Variants in PCSK2 observed in about 807,000 individuals in gnomAD.
PCSK2 encodes neuroendocrine convertase 2.
In PCSK2, 14 loss-of-function variants were observed where a neutral mutation model predicts 69.7. The observed-to-expected ratio is 0.20, with a 90% CI of 0.13 to 0.31. PCSK2 has a LOEUF of 0.31. PCSK2 is among the 10% of genes least tolerant of loss of function. The pLI is 1.00. For synonymous variants in PCSK2, 307 were observed against 320.7 expected (o/e 0.96, Z 0.46); for missense variants, 544 against 842.5 (o/e 0.65, Z 4.39).
At chr20:17,426,706 A>G (rs1213546053) in intron 6 of PCSK2, among the ~76,000 whole-genome samples, 1 of 152,242 alleles carries the variant, frequency 6.6e-6, no homozygotes, top group Admixed American at 6.5e-5. Flanking sequence ...ATCCAACGTT[A>G]CAGGTGAAGT....
intron 1 of PCSK2, among the ~76,000 whole-genome samples, chr20:17,233,080 C>T (rs1026964509): frequency 1.7e-4 from 26 of 152,296 alleles, no homozygotes; most frequent in African/African-American, 6.3e-4. Flanking sequence ...TGATACCAGT[C>T]ATAGCCATCA....
chr20:17,266,929 T>C (rs1387502368), intron 2 of PCSK2, among the ~76,000 whole-genome samples: 1 of 152,134 alleles, frequency 6.6e-6, no homozygotes, highest in African/African-American at 2.4e-5. Flanking sequence ...AGGAAATGTG[T>C]GAGGGCCCTA....
rs2033448901 is a variant in PCSK2, at chr20:17,483,655, C to A, written c.*1585C>A. 1 of 152,384 alleles carries A rather than the reference C, an allele frequency of 6.6e-6. No individual in the cohort carries two copies. Among genetic ancestry groups the A allele is most frequent in the South Asian group, 2.1e-4 (1 of 4,832 alleles). 9.4% of individuals were successfully genotyped at this position (152,384 alleles called of 1,614,324 possible). ...GAAATCTGAAAACCCCATTTGCTTT[C>A]TTTTCTCCCATATTGGCATGGATTT... On this transcript the variant is annotated 3_prime_UTR_variant, in exon 12 of 12. Coordinates refer to ENST00000262545, the MANE Select transcript of PCSK2 (RefSeq NM_002594.5).
chr20:17,391,248 G>C (rs948566663), intron 5 of PCSK2, among the ~76,000 whole-genome samples: 1 of 152,104 alleles, frequency 6.6e-6, no homozygotes, highest in Non-Finnish European at 1.5e-5. Flanking sequence ...CTCAAAGACA[G>C]GAAAAATAAA....
At chr20:17,468,314 G>A (rs905068060) in intron 11 of PCSK2, among the ~76,000 whole-genome samples, 5 of 146,826 alleles carry the variant, frequency 3.4e-5, no homozygotes, top group African/African-American at 1.3e-4. Context: ...CCGTAGACAG[G>A]CAGCCTACCA....
chr20:17,243,958 T>G (rs150151971), intron 1 of PCSK2, among the ~76,000 whole-genome samples: 42 of 152,250 alleles, frequency 2.8e-4, no homozygotes, highest in Admixed American at 6.5e-4. Context: ...CCAGATTTTT[T>G]ATTTTTTTTT....
chr20:17,453,851 A>C lies in PCSK2; in HGVS notation c.995A>C (p.Asn332Thr). The C allele has an allele frequency of 6.2e-7, 1 of 1,614,224 alleles. No homozygotes were observed. The highest frequency in any genetic ancestry group is 8.5e-7 in the Non-Finnish European group (1 of 1,180,048). ...TCCAGCATGTGGACCATCTCCATCA[A>C]CTCAGCCATCAACGACGGCAGGACT... ...YASSMWTISINSAINDGRTAL... is the reference protein window; with the variant it reads ...YASSMWTISITSAINDGRTAL... Residue 332 changes from asparagine to threonine, a missense_variant, in exon 9 of 12, where the codon AAC (asparagine) becomes ACC (threonine). Asn to Thr is a moderately conservative substitution (Grantham distance 65, BLOSUM62 0). Coordinates refer to ENST00000262545, the MANE Select transcript of PCSK2 (RefSeq NM_002594.5). The surrounding 1 kb of genome is among the most constrained non-coding windows in gnomAD (Gnocchi z 4.0).
intron 2 of PCSK2, among the ~76,000 whole-genome samples, chr20:17,317,796 A>G (rs1989735771): frequency 6.6e-6 from 1 of 152,184 alleles, no homozygotes; most frequent in South Asian, 2.1e-4. Context: ...TTCAAAAGGG[A>G]ACACATAAAC....
At chr20:17,421,679 C>T (rs7265632) in intron 6 of PCSK2, among the ~76,000 whole-genome samples, 18,862 of 151,962 alleles carry the variant, frequency 0.12, 1,263 homozygotes, top group African/African-American at 0.14. Context: ...GCTGACTAAT[C>T]TGTCTTATCT....
intron 5 of PCSK2, among the ~76,000 whole-genome samples, chr20:17,406,390 C>A (rs964556921): frequency 2.0e-5 from 3 of 152,144 alleles, no homozygotes; most frequent in African/African-American, 7.2e-5. Flanking sequence ...TAGACTGTTA[C>A]CCAAGGAATT....
chr20:17,412,650 G>T (rs1322159433), intron 6 of PCSK2, among the ~76,000 whole-genome samples: 1 of 152,104 alleles, frequency 6.6e-6, no homozygotes, highest in Non-Finnish European at 1.5e-5. Flanking sequence ...AGCAAGGCAG[G>T]CCAACATTCA....
At chr20:17,368,517 T>A (rs1453237937) in intron 4 of PCSK2, among the ~76,000 whole-genome samples, 1 of 152,222 alleles carries the variant, frequency 6.6e-6, no homozygotes, top group Non-Finnish European at 1.5e-5. Context: ...GCAAAGCTTA[T>A]GTGGTTTTGC....
chr20:17,481,679 C>T lies in PCSK2; in HGVS notation c.1526C>T (p.Ala509Val). Reference protein sequence around the residue: ...NFVRYLEHVQAVITVNATRRG... With the variant: ...NFVRYLEHVQVVITVNATRRG... Reference sequence around the variant, plus strand: ...GTCCGCTACCTGGAGCATGTCCAGGCTGTCATCACGGTCAACGCAACCAGA... The same window carrying T: ...GTCCGCTACCTGGAGCATGTCCAGGTTGTCATCACGGTCAACGCAACCAGA... Residue 509 changes from alanine to valine, a missense_variant, in exon 12 of 12, where the codon GCT (alanine) becomes GTT (valine). Physicochemically the swap from Ala to Val is moderately conservative, Grantham distance 64. This residue lies in a region of PCSK2 where 200 missense variants were observed against 287.8 expected (regional missense o/e 0.69). Transcript: ENST00000262545. 1 of 1,614,160 alleles carries T rather than the reference C, an allele frequency of 6.2e-7. No individual in the cohort carries two copies. The highest frequency in any genetic ancestry group is 8.5e-7 in the Non-Finnish European group (1 of 1,180,032).
At chr20:17,361,115 C>T (rs146730521) in intron 4 of PCSK2, among the ~76,000 whole-genome samples, 3 of 152,318 alleles carry the variant, frequency 2.0e-5, no homozygotes, top group African/African-American at 7.2e-5. Flanking sequence ...TTGATATCCA[C>T]ATGGGGCTAG....
intron 1 of PCSK2, among the ~76,000 whole-genome samples, chr20:17,234,810 T>C (rs1334966311): frequency 6.6e-6 from 1 of 152,184 alleles, no homozygotes; most frequent in Admixed American, 6.5e-5. Flanking sequence ...AACTAACTGC[T>C]CAAAGAGGTC....
intron 2 of PCSK2, among the ~76,000 whole-genome samples, chr20:17,307,855 A>G (rs1015220426): frequency 6.6e-6 from 1 of 152,216 alleles, no homozygotes; most frequent in African/African-American, 2.4e-5. Context: ...GACTGGGTAA[A>G]TTATAAAGAA....
intron 4 of PCSK2, among the ~76,000 whole-genome samples, chr20:17,362,818 A>G (rs968478107): frequency 1.3e-5 from 2 of 152,258 alleles, no homozygotes; most frequent in Non-Finnish European, 2.9e-5. Context: ...ATTCCATATG[A>G]TAACTGAAGA....
intron 8 of PCSK2, among the ~76,000 whole-genome samples, chr20:17,439,476 C>T (rs2032553755): frequency 6.6e-6 from 1 of 152,172 alleles, no homozygotes. Context: ...CAAAATCATC[C>T]CTTAGCTTCT....
At chr20:17,348,654 C>G (rs933733894) in intron 2 of PCSK2, among the ~76,000 whole-genome samples, 1 of 152,176 alleles carries the variant, frequency 6.6e-6, no homozygotes, top group African/African-American at 2.4e-5. Context: ...AAGGTGTCAT[C>G]AGGGTTGGTT....
Sources: gnomAD v4.1 joint callset for allele counts (sites outside exome capture counted in the v4.1 genomes callset) on GRCh38, gnomAD v4.1.1 for gene constraint, gnomAD v4.1.1 regional missense constraint, Gnocchi (gnomAD v3.1) non-coding constraint, MANE v1.5 for transcripts, NCBI Gene and HGNC (gene_info 2026-07-23, HGNC 2026-07-21) for gene names.